COL1A2: variants seen among roughly 807,000 people sequenced by gnomAD.
COL1A2 encodes collagen type I alpha 2 chain.
Under a neutral mutation model 174.3 loss-of-function variants are expected in COL1A2, and 49 were observed. That is an observed-to-expected ratio of 0.28 (90% CI 0.22 to 0.36). COL1A2 has a LOEUF of 0.36. Ranked by LOEUF, COL1A2 falls within the 10% of genes least tolerant of loss-of-function variation. The pLI is 1.00. For synonymous variants in COL1A2, 655 were observed against 606.6 expected (o/e 1.08, Z -1.17); for missense variants, 1,438 against 1,822.7 (o/e 0.79, Z 3.84).
rs746122198 is a variant in COL1A2 at position 94,399,034 on chromosome 7, G to T, written c.97-15G>T. The T allele has an allele frequency of 9.3e-6, 15 of 1,613,106 alleles. No homozygotes were observed. Among genetic ancestry groups the T allele is most frequent in the African/African-American group, 5.3e-5 (4 of 75,002 alleles). On this transcript the variant is annotated splice_polypyrimidine_tract_variant and intron_variant, in intron 3 of 51. Transcript: ENST00000297268. ...TTAGGCATTTATTATTGTCCTGTTT[G>T]TATCTTTCCTGTAGGGCCCAGCCGG...
chr7:94,418,491 A>G lies in COL1A2; in HGVS notation c.1972-8A>G. On this transcript the variant is annotated splice_region_variant and splice_polypyrimidine_tract_variant and intron_variant, in intron 32 of 51. Transcript: ENST00000297268. ...AAACAAAAAGTTGCTCTTGCTTTAT[A>G]CTTTCAGGGTGAACCTGGTCTCAGA... is the stretch of plus-strand genomic sequence containing the variant. 4 of 1,613,540 alleles carry G rather than the reference A, an allele frequency of 2.5e-6. No homozygotes were observed. The highest frequency in any genetic ancestry group is 3.4e-6 in the Non-Finnish European group (4 of 1,179,608).
chr7:94,404,957 C>G, intron 9 of COL1A2, 65 bp downstream of exon 9: 6 of 1,573,070 alleles, frequency 3.8e-6, no homozygotes, highest in Non-Finnish European at 5.2e-6. Flanking sequence ...ACAAGATTTT[C>G]TAGATTCAAA....
At position 94,430,071 on chromosome 7, in the gene COL1A2, C is replaced by T. The variant is rs529626935; in HGVS notation, c.3955-176C>T. 10 of 651,706 alleles carry T rather than the reference C, an allele frequency of 1.5e-5. No individual in the cohort carries two copies. In the Admixed American group the frequency reaches 1.8e-4, roughly 12 times the overall value. 40.4% of individuals were successfully genotyped at this position (651,706 alleles called of 1,614,324 possible). A position where few individuals can be genotyped will look rare whatever the true frequency, so the allele number is the denominator to read the frequency against. On this transcript the variant is annotated intron_variant, in intron 51 of 51. Transcript: ENST00000297268. ...TTTTTTGTTAGACTGATAGGGAGCC[C>T]CTCCCACTAAAGACACCCTTGATAC...
intron 50 of COL1A2, 80 bp from the exon 51 acceptor site, chr7:94,429,108 C>CTTTTTTTTTTTTTTTTCT: frequency 1.2e-6 from 1 of 815,866 alleles, no homozygotes; most frequent in East Asian, 3.0e-5. Flanking sequence ...CTTTTTTTTT[C>CTTTTTTTTTTTTTTTTCT]TTTTTTTTTT....
At chr7:94,416,351 A>C in intron 30 of COL1A2, 54 bp from the exon 31 acceptor site, 1 of 1,405,106 alleles carries the variant, frequency 7.1e-7, no homozygotes, top group Non-Finnish European at 9.9e-7. Context: ...TATGTAAAAC[A>C]GTATCACTGA....
intron 6 of COL1A2, among the ~76,000 whole-genome samples, chr7:94,403,877 G>T (rs1350601770): frequency 6.6e-6 from 1 of 152,116 alleles, no homozygotes; most frequent in African/African-American, 2.4e-5. Flanking sequence ...CTACTTTTGT[G>T]CTATGGAAAC....
chr7:94,417,460 C>T (rs1230680423), intron 31 of COL1A2: 8 of 478,200 alleles, frequency 1.7e-5, no homozygotes, highest in South Asian at 1.4e-4. Context: ...TTCTCCATGC[C>T]TGCCATCCTT....
In COL1A2 at chr7:94,417,500, C is replaced by T. The variant is rs1288883140; in HGVS notation, c.1864-224C>T. ...GGACTGAAGCAGGTTATAGAGGAAT[C>T]GCAGCTGTGCACTCCCACTACCCTC... On this transcript the variant is annotated intron_variant, in intron 31 of 51. Transcript: ENST00000297268. The T allele has an allele frequency of 1.3e-5, 7 of 543,284 alleles. No homozygotes were observed. The East Asian group carries it at 1.4e-4, about 11-fold the overall frequency. The allele number at this position is 543,284 out of a possible 1,614,324, so 33.7% of individuals were successfully genotyped here.
intron 32 of COL1A2, 39 bp downstream of exon 32, chr7:94,417,870 T>G: frequency 1.2e-4 from 188 of 1,505,010 alleles, no homozygotes; most frequent in Middle Eastern, 1.7e-4. Flanking sequence ...TGATGAACTC[T>G]AGTAAAGAAG....
intron 42 of COL1A2, 146 bp from the exon 43 acceptor site, chr7:94,425,464 G>T: frequency 1.1e-6 from 1 of 915,470 alleles, no homozygotes; most frequent in Non-Finnish European, 1.7e-6. Context: ...TATCTAGGTT[G>T]GCAGGTTTTT....
rs538945650 is a variant in COL1A2, at chr7:94,424,366, C to T, written c.2596C>T (p.Leu866Phe). Residue 866 changes from leucine to phenylalanine, a missense_variant, in exon 41 of 52, where the codon CTT becomes TTT. Leu to Phe is a conservative substitution (Grantham distance 22, BLOSUM62 0). This residue lies in a region of COL1A2 where 867 missense variants were observed against 1,213.7 expected (regional missense o/e 0.71). Transcript: ENST00000297268. ...TCCTGGCACTCCAGGTCCTCAGGGTCTTCTTGGTGCTCCTGGTATTCTGGG... is the reference window on the plus strand; with the variant it reads ...TCCTGGCACTCCAGGTCCTCAGGGTTTTCTTGGTGCTCCTGGTATTCTGGG... The part of the protein sequence containing the change: ...GPPGTPGPQG[L>F]LGAPGILGLP... The T allele has an allele frequency of 3.1e-6, 5 of 1,614,098 alleles. No individual in the cohort carries two copies. The South Asian group carries it at 4.4e-5, about 14-fold the overall frequency.
intron 16 of COL1A2, 133 bp downstream of exon 16, chr7:94,408,956 ACATAGAATGAC>A: frequency 1.2e-6 from 1 of 860,568 alleles, no homozygotes; most frequent in Non-Finnish European, 1.9e-6. Flanking sequence ...TTCAAAATGG[ACATAGAATGAC>A]CAGTTTTCTC....
Position 94,413,695 on chromosome 7 carries a change from T to C in COL1A2, c.1563T>C (p.Ala521=), listed in dbSNP as rs765688776. The change falls in exon 27 of 52, where the codon GCT becomes GCC. Residue 521 remains alanine (A), a synonymous_variant. Transcript: ENST00000297268. ...TTTCTGTTAAATATTTTTAGGGTGC[T>C]CCAGGTCCTGATGGAAACAATGGTG... ...GHAGLAGARG[A]PGPDGNNGAQ... is the part of the protein sequence containing the mutation. 10 of 1,614,060 alleles carry C rather than the reference T, an allele frequency of 6.2e-6. No homozygotes were observed. The highest frequency in any genetic ancestry group is 8.5e-6 in the Non-Finnish European group (10 of 1,180,018).
intron 21 of COL1A2, among the ~76,000 whole-genome samples, 170 bp downstream of exon 21, chr7:94,410,697 G>T (rs1791902966): frequency 6.6e-6 from 1 of 152,140 alleles, no homozygotes; most frequent in Admixed American, 6.6e-5. Flanking sequence ...TATAAAATTG[G>T]CCTGGAAACA....
chr7:94,430,050 T>C, intron 51 of COL1A2, 197 bp from the exon 52 acceptor site: 1 of 605,498 alleles, frequency 1.7e-6, no homozygotes. Context: ...TGTTTGTTTT[T>C]TGTTAGACTG....
chr7:94,408,708 T>C, intron 15 of COL1A2, 62 bp from the exon 16 acceptor site: 1 of 1,548,470 alleles, frequency 6.5e-7, no homozygotes, highest in Non-Finnish European at 8.9e-7. Flanking sequence ...TCTTCTGCCA[T>C]TGTTATTGTT....
At chr7:94,427,331 C>T (rs759166427) in intron 48 of COL1A2, 36 bp downstream of exon 48, 10 of 1,543,366 alleles carry the variant, frequency 6.5e-6, no homozygotes, top group Admixed American at 1.8e-5. Flanking sequence ...AAGAAGATCA[C>T]GGACCTAAGG....
chr7:94,426,303 C>T, intron 45 of COL1A2, 120 bp from the exon 46 acceptor site: 2 of 985,334 alleles, frequency 2.0e-6, no homozygotes, highest in East Asian at 5.2e-5. Flanking sequence ...AGGTGAGAGC[C>T]TAGCTAAACC....
intron 1 of COL1A2, among the ~76,000 whole-genome samples, chr7:94,396,247 C>T (rs981809613): frequency 6.6e-6 from 1 of 151,954 alleles, no homozygotes; most frequent in Non-Finnish European, 1.5e-5. Flanking sequence ...ACCCAGTACT[C>T]CAAAAAGTTG....
Sources: gnomAD v4.1 joint callset for allele counts (sites outside exome capture counted in the v4.1 genomes callset) on GRCh38, gnomAD v4.1.1 for gene constraint, gnomAD v4.1.1 regional missense constraint, MANE v1.5 for transcripts, NCBI Gene and HGNC (gene_info 2026-07-23, HGNC 2026-07-21) for gene names.